Variants in PCDHA9 observed in about 807,000 individuals in gnomAD.
PCDHA9 encodes the protein protocadherin alpha-9.
Under a neutral mutation model 62.0 loss-of-function variants are expected in PCDHA9, and 62 were observed. The ratio of observed to expected loss-of-function variants is 1.00; its 90% CI spans 0.81 to 1.23. PCDHA9 has a LOEUF of 1.23. PCDHA9 is among the 50% of genes most tolerant of loss of function. The pLI, the probability that PCDHA9 is intolerant of heterozygous loss-of-function variation, is 0.00. For synonymous variants in PCDHA9, 557 were observed against 567.6 expected, an observed-to-expected ratio of 0.98 and a Z score of 0.27; for missense variants, 1,205 against 1,249.8, an observed-to-expected ratio of 0.96 and a Z score of 0.54.
In PCDHA9 at chr5:140,870,787, C is replaced by T. The variant is rs782200395; in HGVS notation, c.2394+19898C>T. On this transcript the variant is annotated intron_variant, in intron 1 of 3. Transcript: ENST00000532602. ...CGTGCTGGACGAGAACGACAACGCG[C>T]CGGCACTGCTGGCGACTCAGGCTGG... 6.2e-7 allele frequency: 1 copy of T among 1,613,638 alleles called. No homozygotes were observed. Among genetic ancestry groups the T allele is most frequent in the Admixed American group, 1.7e-5 (1 of 60,028 alleles).
chr5:140,956,809 T>C (rs868918745), intron 1 of PCDHA9, among the ~76,000 whole-genome samples: 2 of 152,198 alleles, frequency 1.3e-5, no homozygotes, highest in Non-Finnish European at 1.5e-5. Flanking sequence ...TATTTATTAT[T>C]GCTTCAATTT....
At chr5:140,969,535 T>C (rs1221394283) in intron 1 of PCDHA9, 27 of 1,341,822 alleles carry the variant, frequency 2.0e-5, no homozygotes, top group Non-Finnish European at 2.5e-5. Flanking sequence ...TTTTTCATTT[T>C]CAGAGGCATG....
At position 140,850,766 on chromosome 5, in the gene PCDHA9, G is replaced by A. The variant is rs2150497576; in HGVS notation, c.2271G>A (p.Arg757=). The A allele has an allele frequency of 3.1e-6, 5 of 1,598,074 alleles. No homozygotes were observed. In the South Asian group the frequency reaches 4.4e-5, roughly 14 times the overall value. Residue 757 remains arginine, a synonymous_variant, in exon 1 of 4, where the codon AGG becomes AGA. Coordinates refer to ENST00000532602, the MANE Select transcript of PCDHA9 (RefSeq NM_031857.2). ...CGTACTCGCAGCAGAGGAGGCAGAG[G>A]GTGTGCTCTGGCGAGGGTAAGCAGA... ...SWSYSQQRRQ[R]VCSGEGKQKT...
chr5:140,970,657 T>C (rs1487534093), intron 1 of PCDHA9, among the ~76,000 whole-genome samples: 1 of 152,232 alleles, frequency 6.6e-6, no homozygotes, highest in Non-Finnish European at 1.5e-5. Context: ...TGAATTGTTA[T>C]CTTTCCAAAT....
intron 1 of PCDHA9, among the ~76,000 whole-genome samples, chr5:140,963,325 C>T (rs1156299692): frequency 2.0e-5 from 3 of 152,156 alleles, no homozygotes; most frequent in Non-Finnish European, 4.4e-5. Flanking sequence ...ATTAGAATTA[C>T]ACAGATAAAT....
rs781906273 is a variant in PCDHA9, at chr5:140,869,410, A to G, written c.2394+18521A>G. The G allele has an allele frequency of 3.7e-6, 6 of 1,614,082 alleles. No individual in the cohort carries two copies. The East Asian group carries it at 1.1e-4, about 30-fold the overall frequency. ...GCTGTGCGGGCAGAGCGCGGAGTGCAGCATCCACCTGGAGGTGATCGTGGA... is the reference window on the plus strand; with the variant it reads ...GCTGTGCGGGCAGAGCGCGGAGTGCGGCATCCACCTGGAGGTGATCGTGGA... On this transcript the variant is annotated intron_variant, in intron 1 of 3. Transcript: ENST00000532602.
chr5:140,927,755 C>G (rs1388061408), intron 1 of PCDHA9: 6 of 1,614,196 alleles, frequency 3.7e-6, no homozygotes, highest in Non-Finnish European at 5.1e-6. Flanking sequence ...CACGTGCACC[C>G]TAAAAGTGGG....
intron 1 of PCDHA9, chr5:140,857,132 G>C: frequency 6.3e-7 from 1 of 1,598,262 alleles, no homozygotes; most frequent in Non-Finnish European, 8.6e-7. Flanking sequence ...GAAAGAAGAT[G>C]CTCAAGTGGG....
intron 1 of PCDHA9, among the ~76,000 whole-genome samples, chr5:140,912,549 A>G (rs2075971399): frequency 6.6e-6 from 1 of 152,152 alleles, no homozygotes; most frequent in East Asian, 1.9e-4. Context: ...TTGTCAGCAA[A>G]CAGCAACAGT....
intron 1 of PCDHA9, chr5:140,869,033 T>C (rs1161601594): frequency 6.5e-7 from 1 of 1,527,194 alleles, no homozygotes; most frequent in East Asian, 2.3e-5. Flanking sequence ...AACGAGATTT[T>C]TAACCTGAAA....
At chr5:140,987,643 A>G (rs1205279586) in intron 3 of PCDHA9, among the ~76,000 whole-genome samples, 1 of 152,232 alleles carries the variant, frequency 6.6e-6, no homozygotes, top group Non-Finnish European at 1.5e-5. Context: ...ATGCACACAT[A>G]TTGCAGAATC....
chr5:140,914,126 G>T (rs2076615202), intron 1 of PCDHA9, among the ~76,000 whole-genome samples: 1 of 152,132 alleles, frequency 6.6e-6, no homozygotes, highest in Non-Finnish European at 1.5e-5. Context: ...ATGTTTCTTT[G>T]TTGAGTTTTT....
chr5:140,928,791 G>A, intron 1 of PCDHA9: 1 of 1,614,138 alleles, frequency 6.2e-7, no homozygotes, highest in South Asian at 1.1e-5. Flanking sequence ...TTAAGCAGAG[G>A]GTGGTGGTAG....
intron 1 of PCDHA9, among the ~76,000 whole-genome samples, chr5:140,924,769 C>T (rs988519447): frequency 1.3e-5 from 2 of 151,766 alleles, no homozygotes; most frequent in Admixed American, 6.6e-5. Flanking sequence ...GTGGTGCGCG[C>T]TTGTAGTCCT....
intron 1 of PCDHA9, among the ~76,000 whole-genome samples, chr5:140,888,562 G>T (rs781854673): frequency 6.6e-6 from 1 of 152,112 alleles, no homozygotes; most frequent in East Asian, 1.9e-4. Flanking sequence ...TCCTTTCAAG[G>T]CTTCATTTTA....
Position 140,881,345 on chromosome 5 carries a change from T to A in PCDHA9, c.2394+30456T>A, listed in dbSNP as rs2058675594. The A allele has an allele frequency of 4.1e-6, 4 of 985,136 alleles. No individual in the cohort carries two copies. In the African/African-American group the frequency reaches 7.0e-5, roughly 17 times the overall value. The allele number at this position is 985,136 out of a possible 1,614,324, so 61.0% of individuals were successfully genotyped here. A position where few individuals can be genotyped will look rare whatever the true frequency, so the allele number is the denominator to read the frequency against. On this transcript the variant is annotated intron_variant, in intron 1 of 3. Transcript: ENST00000532602. ...ATTTAACCAGGACGCCGATTCGGGC[T>A]ACAATGCGTGGCTTTCGTATGAATT... is the stretch of plus-strand genomic sequence containing the variant.
Position 140,850,556 on chromosome 5 carries a change from G to A in PCDHA9, c.2061G>A (p.Thr687=), listed in dbSNP as rs1554144496. ...CGTCGCGGGCGTCAGTGGGTGCCAC[G>A]GGCCCCGAGGTGACGCTGGTGGATG... The part of the protein sequence containing the change: ...KSSSRASVGA[T]GPEVTLVDVN... The change falls in exon 1 of 4, where the codon ACG becomes ACA. Residue 687 remains threonine (T), a synonymous_variant. Transcript: ENST00000532602. 6.3e-7 allele frequency: 1 copy of A among 1,598,290 alleles called. No homozygotes were observed.
intron 1 of PCDHA9, chr5:140,871,453 G>A (rs1554165628): frequency 6.2e-7 from 1 of 1,607,586 alleles, no homozygotes; most frequent in Non-Finnish European, 8.5e-7. Flanking sequence ...TAAAGAGGAG[G>A]AAGGGGAAAG....
In PCDHA9 at chr5:140,853,235, T is replaced by C. The variant is rs2150529918; in HGVS notation, c.2394+2346T>C. Reference sequence around the variant, plus strand: ...TTGATGGGATTGGTAATTTAGTCCTTCATATTAATCTCTATTCTCTCTCAG... The same window carrying C: ...TTGATGGGATTGGTAATTTAGTCCTCCATATTAATCTCTATTCTCTCTCAG... On this transcript the variant is annotated intron_variant, in intron 1 of 3. Coordinates refer to ENST00000532602, the MANE Select transcript of PCDHA9 (RefSeq NM_031857.2). 4 of 980,668 alleles carry C rather than the reference T, an allele frequency of 4.1e-6. No individual in the cohort carries two copies. In the East Asian group the frequency reaches 4.6e-4, roughly 112 times the overall value. The allele number at this position is 980,668 out of a possible 1,614,324, so 60.7% of individuals were successfully genotyped here. A position where few individuals can be genotyped will look rare whatever the true frequency, so the allele number is the denominator to read the frequency against.
Sources: gnomAD v4.1 joint callset for allele counts (sites outside exome capture counted in the v4.1 genomes callset) on GRCh38, gnomAD v4.1.1 for gene constraint, MANE v1.5 for transcripts, NCBI Gene and HGNC (gene_info 2026-07-23, HGNC 2026-07-21) for gene names.